DICER1: variants seen among roughly 807,000 people sequenced by gnomAD.
DICER1 encodes the protein dicer 1, ribonuclease III.
DICER1 carries 43 observed loss-of-function variants against 194.1 expected under a neutral mutation model. The ratio of observed to expected loss-of-function variants is 0.22; its 90% CI spans 0.17 to 0.29. The LOEUF (loss-of-function observed/expected upper bound fraction) is 0.29. Ranked by LOEUF, DICER1 falls within the 10% of genes least tolerant of loss-of-function variation. The probability of loss-of-function intolerance (pLI) is 1.00; values close to 1 mark genes in which losing one functional copy is unlikely to be tolerated. For missense variants in DICER1, 1,608 were observed against 2,317.0 expected (o/e 0.69, Z 6.28); for synonymous variants, 832 against 820.5 (o/e 1.01, Z -0.24).
chr14:95,148,224 T>G (rs1257093754), intron 1 of DICER1, among the ~76,000 whole-genome samples: 2 of 152,130 alleles, frequency 1.3e-5, no homozygotes, highest in African/African-American at 2.4e-5. Context: ...TTATGAAGAC[T>G]CATTACCTGG....
chr14:95,150,050 C>T (rs900016270), intron 1 of DICER1, among the ~76,000 whole-genome samples: 3 of 152,202 alleles, frequency 2.0e-5, no homozygotes, highest in African/African-American at 7.2e-5. Context: ...AAATTCTCTT[C>T]CATATTAATG....
intron 22 of DICER1, 92 bp downstream of exon 22, chr14:95,099,687 AT>A: frequency 6.8e-7 from 1 of 1,476,162 alleles, no homozygotes; most frequent in Non-Finnish European, 9.0e-7. Context: ...CAAAAAATTA[AT>A]AAAACAAATT....
rs1377062070 is a variant in DICER1 at position 95,096,364 on chromosome 14, TCAA to T, written c.4553_4555del (p.Val1518del). On this transcript the variant is annotated inframe_deletion, in exon 23 of 27. Coordinates refer to ENST00000343455, the MANE Select transcript of DICER1 (RefSeq NM_177438.3). ...GAACCCCACCACAAAGTCATCTTCT[TCAA>T]CAGCTTTGCTAGGATCCAGATAGCA... The T allele has an allele frequency of 6.2e-7, 1 of 1,614,228 alleles. No homozygotes were observed. The highest frequency in any genetic ancestry group is 1.7e-5 in the Admixed American group (1 of 60,024).
chr14:95,148,479 T>C (rs894089013), intron 1 of DICER1, among the ~76,000 whole-genome samples: 10 of 152,212 alleles, frequency 6.6e-5, no homozygotes, highest in East Asian at 5.8e-4. Context: ...TACAGTATCA[T>C]AGTACCTACA....
rs1006363970 is a variant in DICER1 at position 95,117,662 on chromosome 14, C to A, written c.1469G>T (p.Arg490Leu). The change falls in exon 9 of 27, where the codon CGC becomes CTC. Residue 490 changes from arginine (R) to leucine (L), a missense_variant. Arg to Leu is a moderately radical substitution (Grantham distance 102). Transcript: ENST00000343455. ...GAATTCTGCTTCCATCTGTTTGTTG[C>A]GAGGCTGATTCTTCCCAATGCCATG... ...TGHGIGKNQP[R>L]NKQMEAEFRK... is the part of the protein sequence containing the mutation. 2 of 1,613,998 alleles carry A rather than the reference C, an allele frequency of 1.2e-6. No homozygotes were observed. Among genetic ancestry groups the A allele is most frequent in the Middle Eastern group, 1.6e-4 (1 of 6,062 alleles).
intron 9 of DICER1, 64 bp downstream of exon 9, chr14:95,117,558 A>G (rs1023827591): frequency 6.5e-7 from 1 of 1,549,708 alleles, no homozygotes; most frequent in African/African-American, 1.4e-5. Flanking sequence ...GGGAGACCCT[A>G]TGGGCACTTT....
chr14:95,154,569 C>T (rs777016065), intron 1 of DICER1, among the ~76,000 whole-genome samples: 12 of 152,160 alleles, frequency 7.9e-5, no homozygotes, highest in South Asian at 2.1e-4. Context: ...ACAGATGAGC[C>T]GTGGAGACAC....
intron 1 of DICER1, among the ~76,000 whole-genome samples, chr14:95,152,198 T>A (rs919371399): frequency 1.3e-5 from 2 of 152,158 alleles, no homozygotes; most frequent in Admixed American, 1.3e-4. Context: ...TGCAATACAG[T>A]TAAACTCCAA....
At position 95,126,582 on chromosome 14, in the gene DICER1, G is replaced by C. The variant is rs781144010; in HGVS notation, c.901C>G (p.Gln301Glu). 6 of 1,499,240 alleles carry C rather than the reference G, an allele frequency of 4.0e-6. No homozygotes were observed. The allele number at this position is 1,499,240 out of a possible 1,614,324, so 92.9% of individuals were successfully genotyped here. A position where few individuals can be genotyped will look rare whatever the true frequency, so the allele number is the denominator to read the frequency against. Residue 301 changes from glutamine to glutamate, a missense_variant and splice_region_variant, in exon 7 of 27, where the codon CAG (glutamine) becomes GAG (glutamate). By Grantham distance (29) the Gln-to-Glu change is conservative. This residue lies in a region of DICER1 where 657 missense variants were observed against 910.1 expected (regional missense o/e 0.72). Transcript: ENST00000343455. ...KERDSTLISK[Q>E]ILSDCRAVLV... ...ATACCTACTTGGTATATGCTTACCT[G>C]TTTCGAAATTAAAGTAGAATCTCTT...
At position 95,095,875 on chromosome 14, in the gene DICER1, T is replaced by A; in HGVS notation, c.5045A>T (p.Tyr1682Phe). The A allele has an allele frequency of 6.2e-7, 1 of 1,614,198 alleles. No homozygotes were observed. Among genetic ancestry groups the A allele is most frequent in the Non-Finnish European group, 8.5e-7 (1 of 1,180,016 alleles). Reference sequence around the variant, plus strand: ...GGCATGTGTAAAAGCCTGGAGAAGGTAAGCCTTATTCTTGAATCTGTAGTT... The same window carrying A: ...GGCATGTGTAAAAGCCTGGAGAAGGAAAGCCTTATTCTTGAATCTGTAGTT... ...KINYRFKNKA[Y>F]LLQAFTHASY... Residue 1682 changes from tyrosine (Y) to phenylalanine (F), a missense_variant, in exon 23 of 27, where the codon TAC (tyrosine) becomes TTC (phenylalanine). This residue lies in a region of DICER1 where 125 missense variants were observed against 134.9 expected (regional missense o/e 0.93). Transcript: ENST00000343455.
rs965393949 is a variant in DICER1 at position 95,105,579 on chromosome 14, T to G, written c.3093+99A>C. 4.2e-6 allele frequency: 4 copies of G among 950,342 alleles called. No individual in the cohort carries two copies. In the African/African-American group the frequency reaches 6.6e-5, roughly 16 times the overall value. The allele number at this position is 950,342 out of a possible 1,614,324, so 58.9% of individuals were successfully genotyped here. A position where few individuals can be genotyped will look rare whatever the true frequency, so the allele number is the denominator to read the frequency against. On this transcript the variant is annotated intron_variant, in intron 19 of 26. Coordinates refer to ENST00000343455, the MANE Select transcript of DICER1 (RefSeq NM_177438.3). The surrounding 1 kb of genome is among the most constrained non-coding windows in gnomAD (Gnocchi z 4.9). Reference sequence around the variant, plus strand: ...AGGTAACTTCTAAAAAATTAACGAATCATGCATTTAACTTGGTAAGATAAA... The same window carrying G: ...AGGTAACTTCTAAAAAATTAACGAAGCATGCATTTAACTTGGTAAGATAAA...
Position 95,107,884 on chromosome 14 carries a change from A to G in DICER1, c.2646T>C (p.Asn882=), listed in dbSNP as rs1060504965. The change falls in exon 16 of 27, where the codon AAT becomes AAC. Residue 882 remains asparagine, a synonymous_variant. Transcript: ENST00000343455. ...AGTAAGAGATTTTTTTCTTACCAAC[A>G]TTAAGAGGTAGAACACAGTATGCTG... The part of the protein sequence containing the change: ...ADSAYCVLPL[N]VVNDSSTLDI... 2.9e-5 allele frequency: 46 copies of G among 1,613,480 alleles called. No homozygotes were observed. The highest frequency in any genetic ancestry group is 3.9e-5 in the Non-Finnish European group (46 of 1,179,522).
rs776085363 is a variant in DICER1 at position 95,132,660 on chromosome 14, T to G, written c.162A>C (p.Ala54=). 6.8e-6 allele frequency: 11 copies of G among 1,613,900 alleles called. No individual in the cohort carries two copies. The Admixed American group carries it at 1.5e-4, about 22-fold the overall frequency. Residue 54 remains alanine (A), a synonymous_variant, in exon 3 of 27, where the codon GCA becomes GCC. Coordinates refer to ENST00000343455, the MANE Select transcript of DICER1 (RefSeq NM_177438.3). ...PRKYQVELLE[A]ALDHNTIVCL... Reference sequence around the variant, plus strand: ...AGACGATGGTATTATGATCCAGAGCTGCTTCAAGCAGTTCAACCTAGAAAC... The same window carrying G: ...AGACGATGGTATTATGATCCAGAGCGGCTTCAAGCAGTTCAACCTAGAAAC...
At chr14:95,120,601 A>G (rs1037054640) in intron 8 of DICER1, among the ~76,000 whole-genome samples, 6 of 152,174 alleles carry the variant, frequency 3.9e-5, no homozygotes, top group Non-Finnish European at 8.8e-5. Context: ...GTGCTCAAAA[A>G]CAAAAGGATG....
intron 20 of DICER1, among the ~76,000 whole-genome samples, chr14:95,104,516 C>A (rs1208942529): frequency 6.6e-6 from 1 of 152,218 alleles, no homozygotes; most frequent in Non-Finnish European, 1.5e-5. Flanking sequence ...CAATTCCTAT[C>A]TCATAGCACT....
At chr14:95,115,931 T>G (rs566321934) in intron 10 of DICER1, 110 bp from the exon 11 acceptor site, 1 of 1,083,038 alleles carries the variant, frequency 9.2e-7, no homozygotes, top group South Asian at 1.3e-5. Flanking sequence ...CTCTCTCTCC[T>G]AAACATACTT....
chr14:95,103,882 G>T lies in DICER1; in HGVS notation c.3514C>A (p.Leu1172Ile), dbSNP rs1028179766. The T allele has an allele frequency of 6.2e-7, 1 of 1,614,050 alleles. No homozygotes were observed. The highest frequency in any genetic ancestry group is 1.3e-5 in the African/African-American group (1 of 74,916). The change falls in exon 21 of 27, where the codon CTT becomes ATT. Residue 1172 changes from leucine to isoleucine, a missense_variant. Around this residue, in one of 10 missense-constraint regions of DICER1, gnomAD observed 222 missense variants for 215.5 expected, o/e 1.03. Transcript: ENST00000343455. ...TAAGAAAGACCATTAATTGCTGTAA[G>T]ATCTGCTGAAACTTCAACGTGGAGC... ...GKLHVEVSADLTAINGLSYNQ... is the reference protein window; with the variant it reads ...GKLHVEVSADITAINGLSYNQ...
intron 13 of DICER1, among the ~76,000 whole-genome samples, chr14:95,111,774 A>AG (rs965662381): frequency 1.3e-5 from 2 of 151,364 alleles, no homozygotes; most frequent in Non-Finnish European, 2.9e-5. Flanking sequence ...AGCAGGATTG[A>AG]GAAAAAAAAA....
chr14:95,108,266 T>G, intron 15 of DICER1, 58 bp downstream of exon 15: 1 of 1,549,832 alleles, frequency 6.5e-7, no homozygotes. Flanking sequence ...AGTTTTTTTT[T>G]TTTTCCTTTT....
Sources: gnomAD v4.1 joint callset for allele counts (sites outside exome capture counted in the v4.1 genomes callset) on GRCh38, gnomAD v4.1.1 for gene constraint, gnomAD v4.1.1 regional missense constraint, Gnocchi (gnomAD v3.1) non-coding constraint, MANE v1.5 for transcripts, NCBI Gene and HGNC (gene_info 2026-07-23, HGNC 2026-07-21) for gene names.